The following UBR3 variants were observed in gnomAD, a reference collection of about 807,000 sequenced individuals.
The protein encoded by UBR3 is ubiquitin protein ligase E3 component n-recognin 3.
Under a neutral mutation model 243.2 loss-of-function variants are expected in UBR3, and 85 were observed. The observed-to-expected ratio is 0.35, with a 90% CI of 0.29 to 0.42. The LOEUF (loss-of-function observed/expected upper bound fraction) is 0.42, where lower values mean the gene tolerates loss of function less well. Among genes scored for constraint, UBR3 ranks in the 10% least tolerant of loss-of-function variants. The pLI is 1.00. For missense variants in UBR3, 1,686 were observed against 2,300.8 expected (o/e 0.73, Z 5.47); for synonymous variants, 748 against 799.8 (o/e 0.94, Z 1.09).
At chr2:169,911,285 A>G (rs1308635121) in intron 10 of UBR3, among the ~76,000 whole-genome samples, 7 of 152,178 alleles carry the variant, frequency 4.6e-5, no homozygotes, top group East Asian at 3.8e-4. Flanking sequence ...GGTGGCAACT[A>G]TAGGTTACTA....
chr2:170,040,229 C>T (rs967955759), intron 31 of UBR3, among the ~76,000 whole-genome samples: 1 of 152,114 alleles, frequency 6.6e-6, no homozygotes, highest in African/African-American at 2.4e-5. Context: ...GCCTTGACCT[C>T]CTGGGTTCAA....
chr2:169,877,536 ACCT>A lies in UBR3; in HGVS notation c.888_890del (p.Leu297del). 1 of 1,545,224 alleles carries A rather than the reference ACCT, an allele frequency of 6.5e-7. No individual in the cohort carries two copies. The highest frequency in any genetic ancestry group is 8.7e-7 in the Non-Finnish European group (1 of 1,145,656). On this transcript the variant is annotated inframe_deletion, in exon 4 of 39. Coordinates refer to ENST00000272793, the MANE Select transcript of UBR3 (RefSeq NM_172070.4). ...TGTGTAAAGAAAAGTCATGAAAAGT[ACCT>A]TATAGCTTTAAAGAGCTCTGGACTT...
At chr2:169,839,898 C>T (rs565418731) in intron 1 of UBR3, among the ~76,000 whole-genome samples, 2 of 142,270 alleles carry the variant, frequency 1.4e-5, no homozygotes, top group Middle Eastern at 3.4e-3. Flanking sequence ...GAAAGAAACA[C>T]GAAAGGTGGC....
Position 169,829,814 on chromosome 2 carries a change from TACACACACACAC to T in UBR3, c.545+1791_545+1802del, listed in dbSNP as rs10530118. 7.1e-4 allele frequency among the ~76,000 whole-genome samples: 106 copies of T among 149,234 alleles called. 1 individual carries two copies. Among genetic ancestry groups the T allele is most frequent in the East Asian group, 3.1e-3 (16 of 5,088 alleles). On this transcript the variant is annotated intron_variant, in intron 1 of 38. Coordinates refer to ENST00000272793, the MANE Select transcript of UBR3 (RefSeq NM_172070.4). ...ATAGGTAAAATATATAGCTAAAAAG[TACACACACACAC>T]ACACACACACACACACACACACACA...
rs1472731563 is a variant in UBR3 at position 169,895,438 on chromosome 2, T to A, written c.1236+127T>A. ...ACACTATAAACAAGTGTTAGTTTCT[T>A]CTCTTGATAACACAAGTTCTTCACA... On this transcript the variant is annotated intron_variant, in intron 7 of 38. Coordinates refer to ENST00000272793, the MANE Select transcript of UBR3 (RefSeq NM_172070.4). 2.8e-6 allele frequency: 3 copies of A among 1,069,362 alleles called. No homozygotes were observed. The African/African-American group carries it at 5.0e-5, about 18-fold the overall frequency. 66.2% of individuals were successfully genotyped at this position (1,069,362 alleles called of 1,614,324 possible).
chr2:169,850,024 GTGGGCACACTT>G (rs1222908582), intron 1 of UBR3, among the ~76,000 whole-genome samples: 2 of 152,280 alleles, frequency 1.3e-5, no homozygotes, highest in East Asian at 3.9e-4. Flanking sequence ...GAGTTTTGTA[GTGGGCACACTT>G]TGGGTTGTAG....
Position 169,947,542 on chromosome 2 carries a change from G to A in UBR3, c.2911G>A (p.Ala971Thr). The change falls in exon 22 of 39, where the codon GCA becomes ACA. Residue 971 changes from alanine to threonine, a missense_variant and splice_region_variant. Around this residue, in one of 8 missense-constraint regions of UBR3, gnomAD observed 300 missense variants for 314.4 expected, o/e 0.95. Coordinates refer to ENST00000272793, the MANE Select transcript of UBR3 (RefSeq NM_172070.4). ...ATATTCATTTTTTTTTTTATTTTAG[G>A]CATCAGTGGGTGGACCAGAACGTTG... ...NSAEEESDEE[A>T]SVGGPERCHD... 1 of 1,448,816 alleles carries A rather than the reference G, an allele frequency of 6.9e-7. No homozygotes were observed. The highest frequency in any genetic ancestry group is 1.5e-5 in the South Asian group (1 of 66,614). The allele number at this position is 1,448,816 out of a possible 1,614,324, so 89.7% of individuals were successfully genotyped here.
intron 1 of UBR3, among the ~76,000 whole-genome samples, chr2:169,869,831 A>G (rs905004802): frequency 6.6e-6 from 1 of 152,166 alleles, no homozygotes; most frequent in African/African-American, 2.4e-5. Flanking sequence ...TGAATTGTTC[A>G]TGACCTTGCT....
chr2:170,036,190 T>C (rs1486844010), intron 31 of UBR3, among the ~76,000 whole-genome samples: 2 of 152,116 alleles, frequency 1.3e-5, no homozygotes. Context: ...CATTAGCTAG[T>C]ACTTCCAGTA....
At chr2:169,994,287 T>C (rs1490191266) in intron 25 of UBR3, 36 bp from the exon 26 acceptor site, 8 of 1,611,414 alleles carry the variant, frequency 5.0e-6, no homozygotes, top group African/African-American at 2.7e-5. Flanking sequence ...TGGCACTGAT[T>C]ATTTTTGATT....
intron 19 of UBR3, among the ~76,000 whole-genome samples, chr2:169,937,763 G>T (rs1162407872): frequency 6.6e-6 from 1 of 152,166 alleles, no homozygotes; most frequent in Non-Finnish European, 1.5e-5. Context: ...AAGAGTTCTT[G>T]AGTGCATTGG....
chr2:169,954,494 C>T (rs1034028072), intron 23 of UBR3, among the ~76,000 whole-genome samples: 3 of 151,842 alleles, frequency 2.0e-5, no homozygotes, highest in Non-Finnish European at 4.4e-5. Context: ...CCCCCCGCCT[C>T]AGCCCCACAA....
At chr2:169,849,683 C>T (rs1029696212) in intron 1 of UBR3, among the ~76,000 whole-genome samples, 2 of 152,212 alleles carry the variant, frequency 1.3e-5, no homozygotes, top group Admixed American at 6.5e-5. Flanking sequence ...GTATATCCCT[C>T]TCTCTAACCA....
chr2:170,081,680 A>G (rs775711299), intron 38 of UBR3, 46 bp from the exon 39 acceptor site: 40 of 1,385,400 alleles, frequency 2.9e-5, no homozygotes, highest in Non-Finnish European at 3.9e-5. Context: ...TGCATGTGAA[A>G]TCTTCCGTGT....
chr2:170,011,697 G>A (rs1408410852), intron 29 of UBR3, among the ~76,000 whole-genome samples: 1 of 148,574 alleles, frequency 6.7e-6, no homozygotes, highest in African/African-American at 2.5e-5. Flanking sequence ...GTGAAGCCTT[G>A]GAGAATTTTC....
At chr2:169,837,155 C>G (rs2105280821) in intron 1 of UBR3, among the ~76,000 whole-genome samples, 1 of 152,270 alleles carries the variant, frequency 6.6e-6, no homozygotes, top group East Asian at 1.9e-4. Context: ...AGATTGAGGT[C>G]TGTATTAGTC....
intron 24 of UBR3, among the ~76,000 whole-genome samples, chr2:169,960,873 T>C (rs930355849): frequency 4.6e-5 from 7 of 152,134 alleles, no homozygotes; most frequent in African/African-American, 1.7e-4. Flanking sequence ...TGCTACATAA[T>C]GGTTCTACAT....
At chr2:169,875,183 A>T (rs2083561632) in intron 2 of UBR3, among the ~76,000 whole-genome samples, 1 of 152,152 alleles carries the variant, frequency 6.6e-6, no homozygotes, top group African/African-American at 2.4e-5. Context: ...TAATACTCTT[A>T]TACTACTCTC....
chr2:169,920,605 C>T (rs1476261530), intron 11 of UBR3, among the ~76,000 whole-genome samples: 1 of 152,142 alleles, frequency 6.6e-6, no homozygotes, highest in Non-Finnish European at 1.5e-5. Context: ...GTATGTGCCT[C>T]ATTTTTTCTT....
Sources: gnomAD v4.1 joint callset for allele counts (sites outside exome capture counted in the v4.1 genomes callset) on GRCh38, gnomAD v4.1.1 for gene constraint, gnomAD v4.1.1 regional missense constraint, MANE v1.5 for transcripts, NCBI Gene and HGNC (gene_info 2026-07-23, HGNC 2026-07-21) for gene names.